The following MEI4 variants were observed in gnomAD, a reference collection of about 807,000 sequenced individuals.
MEI4 encodes meiotic double-stranded break formation protein 4.
A neutral mutation model predicts 31.4 loss-of-function variants in MEI4; 27 were observed. The observed-to-expected ratio is 0.86, with a 90% CI of 0.63 to 1.19. The LOEUF (loss-of-function observed/expected upper bound fraction) is 1.19. Among genes scored for constraint, MEI4 ranks in the 50% most tolerant of loss-of-function variants. The pLI is 0.00. For missense variants in MEI4, 329 were observed against 398.9 expected (o/e 0.82, Z 1.49); for synonymous variants, 122 against 145.4 (o/e 0.84, Z 1.16).
chr6:77,871,506 G>A (rs1582239494), intron 4 of MEI4, among the ~76,000 whole-genome samples: 1 of 152,054 alleles, frequency 6.6e-6, no homozygotes, highest in African/African-American at 2.4e-5. Flanking sequence ...GGGTACACCT[G>A]GACATACAGA....
intron 2 of MEI4, among the ~76,000 whole-genome samples, chr6:77,695,095 C>G (rs1367463624): frequency 6.6e-6 from 1 of 152,192 alleles, no homozygotes; most frequent in Non-Finnish European, 1.5e-5. Context: ...CCTTCGCCCA[C>G]TTTTTGATGG....
chr6:77,660,661 T>G (rs1041826348), intron 1 of MEI4, among the ~76,000 whole-genome samples: 1 of 152,090 alleles, frequency 6.6e-6, no homozygotes, highest in Non-Finnish European at 1.5e-5. Flanking sequence ...ATTAGGCTCA[T>G]AAGGGTTATT....
chr6:77,661,605 A>G (rs565191819), intron 1 of MEI4, among the ~76,000 whole-genome samples: 397 of 152,328 alleles, frequency 2.6e-3, no homozygotes, highest in African/African-American at 9.3e-3. Flanking sequence ...CAGATGGAAC[A>G]CTGAGAAGTG....
chr6:77,735,854 A>G (rs113669102), intron 2 of MEI4, among the ~76,000 whole-genome samples: 11 of 152,112 alleles, frequency 7.2e-5, no homozygotes, highest in African/African-American at 1.7e-4. Context: ...CTTCTAACAG[A>G]CAGGACCCTC....
chr6:77,862,440 C>G (rs1206203166), intron 4 of MEI4, among the ~76,000 whole-genome samples: 1 of 152,256 alleles, frequency 6.6e-6, no homozygotes, highest in Non-Finnish European at 1.5e-5. Flanking sequence ...CCACGCATGG[C>G]TCAGAGGGTC....
chr6:77,882,632 G>A (rs1236590039), intron 4 of MEI4, among the ~76,000 whole-genome samples: 1 of 152,160 alleles, frequency 6.6e-6, no homozygotes, highest in Non-Finnish European at 1.5e-5. Context: ...TCTGATGTGA[G>A]TTGAGAGGTA....
chr6:77,875,684 TTAA>T (rs1747988748), intron 4 of MEI4, among the ~76,000 whole-genome samples: 1 of 152,220 alleles, frequency 6.6e-6, no homozygotes, highest in Non-Finnish European at 1.5e-5. Flanking sequence ...AATAAATATC[TTAA>T]TAAAGTTTTA....
intron 2 of MEI4, among the ~76,000 whole-genome samples, chr6:77,749,283 C>G (rs1291930823): frequency 5.3e-5 from 8 of 152,054 alleles, no homozygotes; most frequent in Admixed American, 3.9e-4. Flanking sequence ...GATGAATTGA[C>G]AGAAGTAGGC....
At chr6:77,717,058 C>A (rs956323506) in intron 2 of MEI4, among the ~76,000 whole-genome samples, 1 of 143,186 alleles carries the variant, frequency 7.0e-6, no homozygotes, top group Admixed American at 7.1e-5. Flanking sequence ...TAAGGGGACC[C>A]GGGGAACCAG....
chr6:77,777,519 A>G (rs530117601), intron 3 of MEI4, among the ~76,000 whole-genome samples: 163 of 152,324 alleles, frequency 1.1e-3, no homozygotes, highest in Admixed American at 2.2e-3. Context: ...AAAGTAGAAT[A>G]AAATTGACCA....
intron 4 of MEI4, among the ~76,000 whole-genome samples, chr6:77,911,195 A>T (rs865995962): frequency 7.2e-5 from 11 of 152,130 alleles, no homozygotes; most frequent in African/African-American, 2.4e-4. Flanking sequence ...TAGTTGGCAA[A>T]TATATTCTCT....
At chr6:77,735,442 T>C (rs1354338985) in intron 2 of MEI4, among the ~76,000 whole-genome samples, 2 of 152,234 alleles carry the variant, frequency 1.3e-5, no homozygotes, top group Admixed American at 6.5e-5. Flanking sequence ...CTGAGGCTTC[T>C]GCATTCTTCA....
intron 2 of MEI4, among the ~76,000 whole-genome samples, chr6:77,734,247 A>T (rs1271387379): frequency 1.3e-5 from 2 of 151,904 alleles, no homozygotes; most frequent in African/African-American, 4.8e-5. Flanking sequence ...TCCCATTATT[A>T]ATGTGTGGGA....
intron 4 of MEI4, among the ~76,000 whole-genome samples, chr6:77,866,158 G>C (rs1771021476): frequency 6.6e-6 from 1 of 151,958 alleles, no homozygotes; most frequent in Non-Finnish European, 1.5e-5. Flanking sequence ...CATTCTCTTT[G>C]AAAACTGGCA....
At position 77,813,573 on chromosome 6, in the gene MEI4, T is replaced by C. The variant is rs552189689; in HGVS notation, c.769-15358T>C. Among the ~76,000 whole-genome samples, 20 of 151,932 alleles carry C rather than the reference T, an allele frequency of 1.3e-4. No individual in the cohort carries two copies. In the South Asian group the frequency reaches 2.9e-3, roughly 22 times the overall value. On this transcript the variant is annotated intron_variant, in intron 3 of 4. Coordinates refer to ENST00000684080, the MANE Select transcript of MEI4 (RefSeq NM_001322247.2). ...GTGAGAACACTACTCTGAAACCATA[T>C]TGGGGACTTGATCCTGATTCTTTCC...
chr6:77,816,236 G>A (rs1769687466), intron 3 of MEI4, among the ~76,000 whole-genome samples: 1 of 151,990 alleles, frequency 6.6e-6, no homozygotes, highest in African/African-American at 2.4e-5. Flanking sequence ...TTTAATTTTA[G>A]CATAGTTGAT....
chr6:77,881,601 A>G (rs1321238909), intron 4 of MEI4, among the ~76,000 whole-genome samples: 1 of 152,182 alleles, frequency 6.6e-6, no homozygotes, highest in East Asian at 1.9e-4. Flanking sequence ...ACACAGGGGT[A>G]GATCTATTTG....
intron 2 of MEI4, among the ~76,000 whole-genome samples, chr6:77,731,987 A>T (rs1297540781): frequency 6.8e-6 from 1 of 146,828 alleles, no homozygotes; most frequent in African/African-American, 2.6e-5. Flanking sequence ...ATTGATCTAT[A>T]TCTCTGTTTT....
At chr6:77,856,160 G>T (rs1246534873) in intron 4 of MEI4, among the ~76,000 whole-genome samples, 1 of 152,122 alleles carries the variant, frequency 6.6e-6, no homozygotes, top group African/African-American at 2.4e-5. Context: ...TAAAATTCAA[G>T]TTCCTTTGCA....
Sources: gnomAD v4.1 joint callset for allele counts (sites outside exome capture counted in the v4.1 genomes callset) on GRCh38, gnomAD v4.1.1 for gene constraint, MANE v1.5 for transcripts, NCBI Gene and HGNC (gene_info 2026-07-23, HGNC 2026-07-21) for gene names.